The following SLC4A4 variants were observed in gnomAD, a reference collection of about 807,000 sequenced individuals.
SLC4A4 encodes solute carrier family 4 member 4.
SLC4A4 carries 27 observed loss-of-function variants against 111.5 expected under a neutral mutation model. The ratio of observed to expected loss-of-function variants is 0.24; its 90% CI spans 0.18 to 0.33. The LOEUF (loss-of-function observed/expected upper bound fraction) is 0.33, where lower values mean the gene tolerates loss of function less well. Among genes scored for constraint, SLC4A4 ranks in the 10% least tolerant of loss-of-function variants. The pLI, the probability that SLC4A4 is intolerant of heterozygous loss-of-function variation, is 1.00. For synonymous variants in SLC4A4, 443 were observed against 463.4 expected (o/e 0.96, Z 0.57); for missense variants, 909 against 1,315.5 (o/e 0.69, Z 4.78).
In SLC4A4 at chr4:71,133,622, G is replaced by T. The variant is rs146106848; in HGVS notation, c.-2+40830G>T. 2.1e-3 allele frequency among the ~76,000 whole-genome samples: 313 copies of T among 152,300 alleles called. 1 individual carries two copies. Among genetic ancestry groups the T allele is most frequent in the African/African-American group, 7.3e-3 (302 of 41,576 alleles). ...GAAGTCCCAGGCCTTTTTTAGGCTA[G>T]TCTTGGAACTAGCACAGCATCACTT... On this transcript the variant is annotated intron_variant, in intron 2 of 26. Coordinates refer to the SLC4A4 transcript ENST00000649996.
At chr4:71,526,318 A>G (rs1733415452) in intron 16 of SLC4A4, among the ~76,000 whole-genome samples, 1 of 152,064 alleles carries the variant, frequency 6.6e-6, no homozygotes, top group African/African-American at 2.4e-5. Flanking sequence ...CTAATATTAT[A>G]CAATTTAAGG....
At chr4:71,356,453 A>G (rs548224049) in intron 5 of SLC4A4, among the ~76,000 whole-genome samples, 1 of 152,206 alleles carries the variant, frequency 6.6e-6, no homozygotes, top group Admixed American at 6.5e-5. Context: ...AAAGACTACA[A>G]CATAATTTTG....
chr4:71,235,855 A>G (rs1029557544), intron 1 of SLC4A4, among the ~76,000 whole-genome samples: 59 of 152,228 alleles, frequency 3.9e-4, no homozygotes, highest in African/African-American at 1.4e-3. Context: ...AACAGGGCAG[A>G]TATACATAGA....
At position 71,090,100 on chromosome 4, in the gene SLC4A4, C is replaced by T. The variant is rs987270936; in HGVS notation, c.-64-2630C>T. Among the ~76,000 whole-genome samples the T allele has an allele frequency of 3.2e-4, 48 of 152,150 alleles. 1 individual carries two copies. The highest frequency in any genetic ancestry group is 2.4e-4 in the African/African-American group (10 of 41,444). On this transcript the variant is annotated intron_variant, in intron 1 of 26. Coordinates refer to the SLC4A4 transcript ENST00000649996. ...CTACTCAAGCCTTAGCAATGGCGGG[C>T]GCCACTCCCCCAGCCTCGCTGCCAC...
chr4:71,457,404 G>A (rs189295218), intron 12 of SLC4A4, among the ~76,000 whole-genome samples: 40 of 152,190 alleles, frequency 2.6e-4, no homozygotes, highest in Admixed American at 5.9e-4. Context: ...TACAGAATGG[G>A]TATTCACAAA....
rs1272275323 is a variant in SLC4A4 at position 71,269,163 on chromosome 4, A to G, written c.253+13764A>G. On this transcript the variant is annotated intron_variant, in intron 3 of 25. Transcript: ENST00000264485. Reference sequence around the variant, plus strand: ...TTGGGCTAAAAATGAGGAGCCTTTGATAGGGTGCAGTCAAATCTTGGAGGA... The same window carrying G: ...TTGGGCTAAAAATGAGGAGCCTTTGGTAGGGTGCAGTCAAATCTTGGAGGA... Among the ~76,000 whole-genome samples, 5 of 152,204 alleles carry G rather than the reference A, an allele frequency of 3.3e-5. No homozygotes were observed. The South Asian group carries it at 1.0e-3, about 31-fold the overall frequency.
At chr4:71,410,366 G>C (rs1441173632) in intron 7 of SLC4A4, among the ~76,000 whole-genome samples, 1 of 152,204 alleles carries the variant, frequency 6.6e-6, no homozygotes, top group East Asian at 1.9e-4. Context: ...ACCATGGGAA[G>C]CCACCTTTTG....
At chr4:71,494,150 C>G (rs774378806) in intron 15 of SLC4A4, among the ~76,000 whole-genome samples, 1 of 152,012 alleles carries the variant, frequency 6.6e-6, no homozygotes, top group Admixed American at 6.6e-5. Context: ...GTCTCAGACC[C>G]ACTAGATATC....
intron 4 of SLC4A4, among the ~76,000 whole-genome samples, chr4:71,344,846 C>G (rs1444518703): frequency 6.6e-6 from 1 of 152,034 alleles, no homozygotes; most frequent in Non-Finnish European, 1.5e-5. Flanking sequence ...AATAATGCAT[C>G]AGCATTATTA....
chr4:71,082,935 C>A (rs150337684), intron 1 of SLC4A4, among the ~76,000 whole-genome samples: 1 of 151,622 alleles, frequency 6.6e-6, no homozygotes, highest in Non-Finnish European at 1.5e-5. Context: ...CTCACTGTAA[C>A]CTCCGCCTCC....
At chr4:71,204,921 G>A (rs1371931567) in intron 1 of SLC4A4, among the ~76,000 whole-genome samples, 1 of 152,130 alleles carries the variant, frequency 6.6e-6, no homozygotes, top group East Asian at 1.9e-4. Flanking sequence ...AATAAATATG[G>A]AATAAGATGG....
At chr4:71,546,589 A>G (rs1048252544) in intron 19 of SLC4A4, 61 bp downstream of exon 19, 6 of 1,393,760 alleles carry the variant, frequency 4.3e-6, no homozygotes, top group Non-Finnish European at 6.1e-6. Context: ...CTATGTGGCA[A>G]TCATAAGGAT....
chr4:71,492,716 A>G (rs1005202273), intron 15 of SLC4A4, among the ~76,000 whole-genome samples: 2 of 151,956 alleles, frequency 1.3e-5, no homozygotes, highest in Admixed American at 1.3e-4. Flanking sequence ...ATGCACATCT[A>G]AAGTTTGTCG....
chr4:71,147,411 A>C (rs915881716), intron 2 of SLC4A4, among the ~76,000 whole-genome samples: 1 of 151,966 alleles, frequency 6.6e-6, no homozygotes. Flanking sequence ...CATGATGGTC[A>C]GTGAGTAATA....
chr4:71,435,226 A>T lies in SLC4A4; in HGVS notation c.808-5390A>T, dbSNP rs190397902. On this transcript the variant is annotated intron_variant, in intron 7 of 25. Transcript: ENST00000264485. ...CAAAACAGATATATAGAACAATGAA[A>T]CAGAACAGAGGCCTCAGAAATAACA... is the stretch of plus-strand genomic sequence containing the variant. Among the ~76,000 whole-genome samples, 289 of 152,314 alleles carry T rather than the reference A, an allele frequency of 1.9e-3. 3 individuals are homozygous for T. The highest frequency in any genetic ancestry group is 0.012 in the Admixed American group (180 of 15,294).
chr4:71,143,583 C>T (rs568932356), intron 2 of SLC4A4, among the ~76,000 whole-genome samples: 2,319 of 152,174 alleles, frequency 0.015, 69 homozygotes, highest in African/African-American at 0.053. Flanking sequence ...AAAGTGTTCC[C>T]ATTTCTCCAC....
At position 71,567,961 on chromosome 4, in the gene SLC4A4, A is replaced by AT; in HGVS notation, c.*216dup. On this transcript the variant is annotated 3_prime_UTR_variant, in exon 26 of 26. Coordinates refer to ENST00000264485, the MANE Select transcript of SLC4A4 (RefSeq NM_001098484.3). ...TTTGTTTTTGTTTGGCTGTTTGTTTATTTTTTAACTTTTATTTCGTCTCAG... is the reference window on the plus strand; with the variant it reads ...TTTGTTTTTGTTTGGCTGTTTGTTTATTTTTTTAACTTTTATTTCGTCTCAG... 1 of 974,116 alleles carries AT rather than the reference A, an allele frequency of 1.0e-6. No homozygotes were observed. The highest frequency in any genetic ancestry group is 1.6e-6 in the Non-Finnish European group (1 of 643,000). The allele number at this position is 974,116 out of a possible 1,614,324, so 60.3% of individuals were successfully genotyped here.
intron 1 of SLC4A4, among the ~76,000 whole-genome samples, chr4:71,224,414 G>T (rs1160841968): frequency 6.6e-6 from 1 of 152,210 alleles, no homozygotes; most frequent in Non-Finnish European, 1.5e-5. Flanking sequence ...TAAGAGAACA[G>T]ATTTTGGAGC....
chr4:71,426,773 T>A (rs969933255), intron 7 of SLC4A4, among the ~76,000 whole-genome samples: 2 of 152,142 alleles, frequency 1.3e-5, no homozygotes, highest in African/African-American at 4.8e-5. Flanking sequence ...AGAGTTTGAT[T>A]ACCATTGGAG....
Sources: gnomAD v4.1 joint callset for allele counts (sites outside exome capture counted in the v4.1 genomes callset) on GRCh38, gnomAD v4.1.1 for gene constraint, MANE v1.5 for transcripts, NCBI Gene and HGNC (gene_info 2026-07-23, HGNC 2026-07-21) for gene names.